CEACAM20: variants seen among roughly 807,000 people sequenced by gnomAD.
CEACAM20 encodes the protein cell adhesion molecule CEACAM20.
In CEACAM20, 50 loss-of-function variants were observed where a neutral mutation model predicts 61.2. The ratio of observed to expected loss-of-function variants is 0.82; its 90% CI spans 0.65 to 1.03. The LOEUF (loss-of-function observed/expected upper bound fraction) is 1.03, where lower values mean the gene tolerates loss of function less well. CEACAM20 is among the 50% of genes least tolerant of loss of function. CEACAM20 has a pLI of 0.00. For synonymous variants in CEACAM20, 282 were observed against 287.7 expected (o/e 0.98, Z 0.20); for missense variants, 683 against 736.4 (o/e 0.93, Z 0.84).
intron 8 of CEACAM20, among the ~76,000 whole-genome samples, chr19:44,512,446 G>C (rs1971029978): frequency 6.6e-6 from 1 of 152,164 alleles, no homozygotes; most frequent in Non-Finnish European, 1.5e-5. Context: ...CAGAATCCCA[G>C]ACCCAGAGAT....
intron 4 of CEACAM20, 77 bp downstream of exon 4, chr19:44,522,557 A>C (rs767832017): frequency 8.1e-6 from 12 of 1,486,264 alleles, no homozygotes; most frequent in African/African-American, 1.4e-5. Flanking sequence ...TGGATTAAGA[A>C]CTCCTGGTTC....
intron 4 of CEACAM20, among the ~76,000 whole-genome samples, chr19:44,521,408 T>A (rs1971360932): frequency 6.6e-6 from 1 of 152,156 alleles, no homozygotes; most frequent in Admixed American, 6.5e-5. Context: ...GTATATATAT[T>A]TTATGTGAGT....
intron 1 of CEACAM20, among the ~76,000 whole-genome samples, chr19:44,528,956 C>CTTTTTTTTTTTTTT (rs71171255): frequency 2.3e-4 from 21 of 92,620 alleles, no homozygotes; most frequent in East Asian, 3.9e-4. Flanking sequence ...CTCTTTCTTT[C>CTTTTTTTTTTTTTT]TTTTTTTTTT....
chr19:44,510,693 G>A lies in CEACAM20; in HGVS notation c.1737+337C>T, dbSNP rs115967712. Reference sequence around the variant, plus strand: ...AGAGTGAATGGGAAGAGCTGGGATGGGGGGAAATAGAGTGGAAGGAAATAA... The same window carrying A: ...AGAGTGAATGGGAAGAGCTGGGATGAGGGGAAATAGAGTGGAAGGAAATAA... On this transcript the variant is annotated intron_variant, in intron 11 of 11. Transcript: ENST00000614924. 6.2e-3 allele frequency among the ~76,000 whole-genome samples: 945 copies of A among 152,124 alleles called. 9 individuals carry two copies. Among genetic ancestry groups the A allele is most frequent in the African/African-American group, 0.021 (858 of 41,454 alleles).
At position 44,513,443 on chromosome 19, in the gene CEACAM20, C is replaced by CTTTT. The variant is rs398034749; in HGVS notation, c.1310-158_1310-155dup. ...TATCAGATTGTGGTTTTTGGTTTTG[C>CTTTT]TTTTTTTTTTTTTTTTTTCAGACAG... On this transcript the variant is annotated intron_variant, in intron 6 of 11. Coordinates refer to ENST00000614924, the MANE Select transcript of CEACAM20 (RefSeq NM_001102597.3). 1.6e-3 allele frequency among the ~76,000 whole-genome samples: 190 copies of CTTTT among 117,092 alleles called. 4 individuals carry two copies. Among genetic ancestry groups the CTTTT allele is most frequent in the Middle Eastern group, 0.014 (3 of 210 alleles). The allele number at this position is 117,092 out of a possible 152,430, so 76.8% of individuals were successfully genotyped here. A position where few individuals can be genotyped will look rare whatever the true frequency, so the allele number is the denominator to read the frequency against.
At chr19:44,518,152 A>T (rs1354712327) in intron 5 of CEACAM20, among the ~76,000 whole-genome samples, 1 of 90,720 alleles carries the variant, frequency 1.1e-5, no homozygotes, top group Non-Finnish European at 2.3e-5. Flanking sequence ...GGAAGGAAGG[A>T]AGGAAGGAAG....
intron 6 of CEACAM20, among the ~76,000 whole-genome samples, 154 bp from the exon 7 acceptor site, chr19:44,513,443 CTTTTT>C (rs398034749): frequency 8.5e-6 from 1 of 117,120 alleles, no homozygotes; most frequent in South Asian, 2.9e-4. Context: ...TTTGGTTTTG[CTTTTT>C]TTTTTTTTTT....
intron 1 of CEACAM20, among the ~76,000 whole-genome samples, chr19:44,526,698 C>G (rs1005341083): frequency 1.3e-5 from 2 of 151,852 alleles, no homozygotes; most frequent in Non-Finnish European, 2.9e-5. Context: ...CATGGTGAAA[C>G]CCCGTCTCTA....
intron 10 of CEACAM20, 137 bp from the exon 11 acceptor site, chr19:44,511,292 GT>G: frequency 7.8e-7 from 1 of 1,280,042 alleles, no homozygotes; most frequent in Non-Finnish European, 1.1e-6. Flanking sequence ...TGGAAGCAGG[GT>G]TAGAACCCAG....
rs2123534244 is a variant in CEACAM20 at position 44,506,160 on chromosome 19, A to G, written c.*1T>C. The stretch of plus-strand genomic sequence containing the variant: ...TCCTGGAGAAAAGATCTCTGCTTCC[A>G]TTAGACGGAGGGGTTGATTTGGATG... On this transcript the variant is annotated 3_prime_UTR_variant, in exon 12 of 12. Coordinates refer to ENST00000614924, the MANE Select transcript of CEACAM20 (RefSeq NM_001102597.3). 1 of 1,613,236 alleles carries G rather than the reference A, an allele frequency of 6.2e-7. No homozygotes were observed. Among genetic ancestry groups the G allele is most frequent in the African/African-American group, 1.3e-5 (1 of 75,032 alleles).
chr19:44,520,419 A>G, intron 5 of CEACAM20, 55 bp downstream of exon 5: 1 of 1,576,478 alleles, frequency 6.3e-7, no homozygotes, highest in Non-Finnish European at 8.6e-7. Flanking sequence ...GGAAGAACTT[A>G]AAGAGAAGGA....
chr19:44,518,131 G>A (rs1211480474), intron 5 of CEACAM20, among the ~76,000 whole-genome samples: 1,927 of 61,922 alleles, frequency 0.031, 50 homozygotes, highest in East Asian at 0.13. Context: ...AGGAAGGAAG[G>A]AAGGAAGGAA....
At chr19:44,508,042 G>C (rs1970868678) in intron 11 of CEACAM20, among the ~76,000 whole-genome samples, 1 of 152,132 alleles carries the variant, frequency 6.6e-6, no homozygotes. Context: ...CCCTCTACTT[G>C]AAGCCTGTCA....
chr19:44,520,337 GC>G, intron 5 of CEACAM20, 136 bp downstream of exon 5: 4 of 1,153,382 alleles, frequency 3.5e-6, no homozygotes, highest in Non-Finnish European at 4.8e-6. Context: ...CAGGCACTTG[GC>G]CCTGTCCAGT....
At chr19:44,515,793 G>C (rs950623421) in intron 6 of CEACAM20, among the ~76,000 whole-genome samples, 2 of 151,964 alleles carry the variant, frequency 1.3e-5, no homozygotes, top group African/African-American at 4.8e-5. Context: ...GGGAGGCCCC[G>C]TCTCTACAAA....
At position 44,513,284 on chromosome 19, in the gene CEACAM20, G is replaced by A. The variant is rs1179035219; in HGVS notation, c.1315C>T (p.Gln439Ter). Residue 439 changes from glutamine to a stop codon, truncating the protein, a stop_gained, in exon 7 of 12, where the codon CAG becomes TAG. Transcript: ENST00000614924. LOFTEE classifies it high-confidence loss of function. The part of the protein sequence containing the change: ...TSVLVKVVGP[Q>*]SSSLSSGAIA... ...GCCCCTGAGGACAGGGAGGAGGACT[G>A]GGGACCTGGGCAAGGAGACAGAATC... 2 of 1,610,112 alleles carry A rather than the reference G, an allele frequency of 1.2e-6. No homozygotes were observed. Among genetic ancestry groups the A allele is most frequent in the Admixed American group, 3.3e-5 (2 of 59,976 alleles).
chr19:44,510,232 C>A (rs1469025738), intron 11 of CEACAM20, among the ~76,000 whole-genome samples: 1 of 151,780 alleles, frequency 6.6e-6, no homozygotes, highest in East Asian at 1.9e-4. Context: ...ATGGAATGAG[C>A]CAGGCAGGGT....
intron 1 of CEACAM20, 26 bp from the exon 2 acceptor site, chr19:44,525,270 A>G: frequency 6.4e-7 from 1 of 1,551,902 alleles, no homozygotes; most frequent in Non-Finnish European, 8.7e-7. Flanking sequence ...GGAGGCATTC[A>G]GGGAGGGAGA....
At chr19:44,517,280 T>C in intron 5 of CEACAM20, 56 bp from the exon 6 acceptor site, 1 of 1,574,094 alleles carries the variant, frequency 6.4e-7, no homozygotes, top group Non-Finnish European at 8.6e-7. Context: ...GTCATCCCAT[T>C]CTGCCCCATT....
Sources: gnomAD v4.1 joint callset for allele counts (sites outside exome capture counted in the v4.1 genomes callset) on GRCh38, gnomAD v4.1.1 for gene constraint, MANE v1.5 for transcripts, NCBI Gene and HGNC (gene_info 2026-07-23, HGNC 2026-07-21) for gene names.